RASEF: variants seen among roughly 807,000 people sequenced by gnomAD.
The protein encoded by RASEF is RAS and EF-hand domain containing, also known as ras and EF-hand domain-containing protein.
A neutral mutation model predicts 90.1 loss-of-function variants in RASEF; 68 were observed. That is an observed-to-expected ratio of 0.75 (90% CI 0.62 to 0.92). The LOEUF (loss-of-function observed/expected upper bound fraction) is 0.92. Among genes scored for constraint, RASEF ranks in the 40% least tolerant of loss-of-function variants. RASEF has a pLI of 0.00. For synonymous variants in RASEF, 331 were observed against 345.2 expected, an observed-to-expected ratio of 0.96 and a Z score of 0.46; for missense variants, 949 against 937.2, an observed-to-expected ratio of 1.01 and a Z score of -0.16.
the RASEF span, among the ~76,000 whole-genome samples, chr9:83,126,890 C>G: frequency 6.6e-6 from 1 of 152,084 alleles, no homozygotes; most frequent in East Asian, 1.9e-4. Flanking sequence ...GCCAGAAAGA[C>G]ACAGAAACAG....
Position 83,009,872 on chromosome 9 carries a change from A to G in RASEF, c.844-116T>C, listed in dbSNP as rs1055240136. On this transcript the variant is annotated intron_variant, in intron 5 of 16. Coordinates refer to ENST00000376447, the MANE Select transcript of RASEF (RefSeq NM_152573.4). ...ACTCTCACCCTTCCACAACTCTTCA[A>G]AATCTCAGTGTTCAAACAACTATTT... 5.3e-6 allele frequency: 3 copies of G among 570,674 alleles called. No homozygotes were observed. The African/African-American group carries it at 5.6e-5, about 11-fold the overall frequency. 35.4% of individuals were successfully genotyped at this position (570,674 alleles called of 1,614,324 possible).
the RASEF span, among the ~76,000 whole-genome samples, chr9:83,092,665 T>G: frequency 6.6e-6 from 1 of 152,152 alleles, no homozygotes; most frequent in African/African-American, 2.4e-5. Flanking sequence ...TTCCACTGTG[T>G]GGAAGGGGAC....
intron 12 of RASEF, among the ~76,000 whole-genome samples, chr9:82,999,376 C>G (rs976899021): frequency 6.6e-6 from 1 of 152,042 alleles, no homozygotes; most frequent in Non-Finnish European, 1.5e-5. Flanking sequence ...TCCTGGCCAC[C>G]CTGCGTAAAA....
the RASEF span, among the ~76,000 whole-genome samples, chr9:83,097,557 G>T: frequency 6.6e-6 from 1 of 152,280 alleles, no homozygotes; most frequent in South Asian, 2.1e-4. Flanking sequence ...AAATTTACAA[G>T]AAAATAAAAC....
intron 1 of RASEF, among the ~76,000 whole-genome samples, chr9:83,056,636 A>C (rs1035926873): frequency 1.3e-5 from 2 of 152,254 alleles, no homozygotes; most frequent in African/African-American, 4.8e-5. Flanking sequence ...AGATTTGTAC[A>C]CGCTTAAAGA....
At chr9:82,997,168 C>A in intron 13 of RASEF, 42 bp from the exon 14 acceptor site, 1 of 1,213,140 alleles carries the variant, frequency 8.2e-7, no homozygotes, top group Non-Finnish European at 1.2e-6. Context: ...TTTGTGTTGC[C>A]TCATTCTTCT....
intron 1 of RASEF, chr9:83,055,617 C>T (rs1415680446): frequency 2.8e-6 from 2 of 717,988 alleles, no homozygotes; most frequent in Non-Finnish European, 5.2e-6. Context: ...TAGCCCATGA[C>T]AATGCACACA....
At position 83,029,389 on chromosome 9, in the gene RASEF, C is replaced by T. The variant is rs114261773; in HGVS notation, c.432-3468G>A. 4.7e-3 allele frequency among the ~76,000 whole-genome samples: 705 copies of T among 150,176 alleles called. 5 individuals carry two copies. The highest frequency in any genetic ancestry group is 0.017 in the African/African-American group (684 of 40,668). ...GTGGCTGTAAACTCTCCCAGACTTG[C>T]CTTCTTTTTTTTTTTTTTTTTGAAA... On this transcript the variant is annotated intron_variant, in intron 1 of 16. Coordinates refer to ENST00000376447, the MANE Select transcript of RASEF (RefSeq NM_152573.4).
At chr9:83,083,747 T>G in the RASEF span, among the ~76,000 whole-genome samples, 3 of 152,160 alleles carry the variant, frequency 2.0e-5, no homozygotes, top group Non-Finnish European at 4.4e-5. Context: ...TCTTCTGGTG[T>G]AACAAGATAG....
intron 7 of RASEF, 139 bp from the exon 8 acceptor site, chr9:83,005,639 C>T (rs1587488326): frequency 1.5e-6 from 1 of 673,706 alleles, no homozygotes; most frequent in Non-Finnish European, 2.6e-6. Flanking sequence ...CACTTCCCTT[C>T]AAACCTCAAA....
At chr9:83,075,315 TTAATA>T in the RASEF span, among the ~76,000 whole-genome samples, 2 of 152,338 alleles carry the variant, frequency 1.3e-5, no homozygotes, top group East Asian at 1.9e-4. Flanking sequence ...CAACTTTTTC[TTAATA>T]TAATTTTGAA....
intron 12 of RASEF, 109 bp from the exon 13 acceptor site, chr9:82,998,555 G>T: frequency 1.4e-6 from 1 of 713,154 alleles, no homozygotes; most frequent in Non-Finnish European, 2.5e-6. Flanking sequence ...AGCTCAGCCA[G>T]GGAGGGAGGA....
At chr9:83,057,846 C>CATATATTCATATATACATAT (rs1830128050) in intron 1 of RASEF, among the ~76,000 whole-genome samples, 1 of 143,410 alleles carries the variant, frequency 7.0e-6, no homozygotes, top group Non-Finnish European at 1.5e-5. Context: ...TTCATATATA[C>CATATATTCATATATACATAT]ATATATATAT....
Position 83,012,470 on chromosome 9 carries a change from C to A in RASEF, c.807G>T (p.Val269=). Residue 269 remains valine (V), a synonymous_variant, in exon 5 of 17, where the codon GTG becomes GTT. Coordinates refer to ENST00000376447, the MANE Select transcript of RASEF (RefSeq NM_152573.4). ...CATAAATTTGTTTTTTCAATGCAGCCACATCTTCCTTTTGACTTACGCGTT... is the reference window on the plus strand; with the variant it reads ...CATAAATTTGTTTTTTCAATGCAGCAACATCTTCCTTTTGACTTACGCGTT... The part of the protein sequence containing the change: ...QSKRVSQKED[V]AALKKQIYDL... 1 of 1,589,378 alleles carries A rather than the reference C, an allele frequency of 6.3e-7. No individual in the cohort carries two copies. Among genetic ancestry groups the A allele is most frequent in the Non-Finnish European group, 8.6e-7 (1 of 1,168,670 alleles).
intron 14 of RASEF, among the ~76,000 whole-genome samples, chr9:82,994,998 G>C (rs971290786): frequency 6.6e-6 from 1 of 152,188 alleles, no homozygotes. Flanking sequence ...AAGCCATGGA[G>C]AAACTTCACT....
chr9:82,983,151 A>ACACAC (rs1554704253), intron 16 of RASEF, among the ~76,000 whole-genome samples: 20 of 125,592 alleles, frequency 1.6e-4, no homozygotes, highest in African/African-American at 5.7e-4. Flanking sequence ...ACACACACAC[A>ACACAC]CACACCCTTC....
intron 1 of RASEF, among the ~76,000 whole-genome samples, chr9:83,043,395 AT>A (rs1284545235): frequency 2.1e-5 from 2 of 94,232 alleles, no homozygotes; most frequent in Non-Finnish European, 4.3e-5. Context: ...GTCTGCAGTG[AT>A]TGGGGGGGGG....
the RASEF span, among the ~76,000 whole-genome samples, chr9:83,199,479 G>C: frequency 4.6e-5 from 7 of 152,128 alleles, no homozygotes; most frequent in African/African-American, 1.7e-4. Context: ...GTCATGTACA[G>C]GCAAATCAAA....
intron 1 of RASEF, among the ~76,000 whole-genome samples, chr9:83,062,124 T>G (rs1830212589): frequency 6.6e-6 from 1 of 152,172 alleles, no homozygotes. Context: ...CGGTGAGATG[T>G]GGCGCGCGCG....
Sources: allele counts gnomAD v4.1 joint callset (sites outside exome capture counted in the v4.1 genomes callset), GRCh38; gene constraint gnomAD v4.1.1; transcripts MANE v1.5; gene names NCBI Gene and HGNC (gene_info 2026-07-23, HGNC 2026-07-21).